Variants in DENND2C observed in about 807,000 individuals in gnomAD.
DENND2C encodes DENN domain-containing protein 2C.
Under a neutral mutation model 112.4 loss-of-function variants are expected in DENND2C, and 72 were observed. The observed-to-expected ratio is 0.64, with a 90% CI of 0.53 to 0.78. The LOEUF (loss-of-function observed/expected upper bound fraction) is 0.78. Ranked by LOEUF, DENND2C falls within the 30% of genes least tolerant of loss-of-function variation. DENND2C has a pLI of 0.00. For missense variants in DENND2C, 992 were observed against 1,113.8 expected (o/e 0.89, Z 1.56); for synonymous variants, 329 against 381.6 (o/e 0.86, Z 1.61).
chr1:114,648,073 G>A (rs1657047547), intron 2 of DENND2C, among the ~76,000 whole-genome samples: 1 of 152,222 alleles, frequency 6.6e-6, no homozygotes, highest in Non-Finnish European at 1.5e-5. Flanking sequence ...CTCCCAAAGT[G>A]CTGGGATTAC....
At chr1:114,587,272 C>G (rs999955997) in intron 20 of DENND2C, 115 bp downstream of exon 20, 1 of 1,148,370 alleles carries the variant, frequency 8.7e-7, no homozygotes, top group African/African-American at 1.5e-5. Context: ...GTCTCAAACT[C>G]CTGGCCTCAA....
chr1:114,583,168 G>A lies in DENND2C; in HGVS notation c.*2432C>T, dbSNP rs1026272026. The A allele has an allele frequency of 6.6e-6, 1 of 152,042 alleles. No homozygotes were observed. Among genetic ancestry groups the A allele is most frequent in the Non-Finnish European group, 1.5e-5 (1 of 68,024 alleles). 9.4% of individuals were successfully genotyped at this position (152,042 alleles called of 1,614,324 possible). ...GAGATGTCTAGTAGAAGCCCCACTG[G>A]GGGTAACCTGCTTAACATTAAAAAA... On this transcript the variant is annotated 3_prime_UTR_variant, in exon 21 of 21. Transcript: ENST00000393274.
chr1:114,637,421 C>A (rs1656688662), intron 3 of DENND2C, among the ~76,000 whole-genome samples: 1 of 151,202 alleles, frequency 6.6e-6, no homozygotes, highest in Non-Finnish European at 1.5e-5. Flanking sequence ...CTTAGGGATT[C>A]AAGATGTGTA....
intron 3 of DENND2C, among the ~76,000 whole-genome samples, chr1:114,641,589 T>C (rs958046989): frequency 1.3e-5 from 2 of 152,112 alleles, no homozygotes; most frequent in African/African-American, 4.8e-5. Flanking sequence ...TCTCTTGCCA[T>C]GTGACACGTC....
rs138971845 is a variant in DENND2C, at chr1:114,636,569, G to C, written c.-205+8879C>G. Reference sequence around the variant, plus strand: ...AGTCACAGCTACTTGGGAGATTAAGGTGGGAATGGGGGGAGGACTGCTTCA... The same window carrying C: ...AGTCACAGCTACTTGGGAGATTAAGCTGGGAATGGGGGGAGGACTGCTTCA... On this transcript the variant is annotated intron_variant, in intron 3 of 20. Transcript: ENST00000393274. Among the ~76,000 whole-genome samples, 287 of 152,200 alleles carry C rather than the reference G, an allele frequency of 1.9e-3. 1 individual carries two copies. Among genetic ancestry groups the C allele is most frequent in the Non-Finnish European group, 3.2e-3 (221 of 68,008 alleles).
chr1:114,583,493 A>AAAACACACACAC lies in DENND2C; in HGVS notation c.*2106_*2107insGTGTGTGTGTTT, dbSNP rs1553231827. 126 of 146,004 alleles carry AAAACACACACAC rather than the reference A, an allele frequency of 8.6e-4. No individual in the cohort carries two copies. The highest frequency in any genetic ancestry group is 3.1e-3 in the African/African-American group (121 of 39,346). 9.0% of individuals were successfully genotyped at this position (146,004 alleles called of 1,614,324 possible). Reference sequence around the variant, plus strand: ...ACTTGAATTTGCCCATGAGTTTGAAAACACACACACACACACACACACACA... The same window carrying AAAACACACACAC: ...ACTTGAATTTGCCCATGAGTTTGAAAAAACACACACACACACACACACACACACACACACACA... On this transcript the variant is annotated 3_prime_UTR_variant, in exon 21 of 21. Coordinates refer to ENST00000393274, the MANE Select transcript of DENND2C (RefSeq NM_001256404.2).
chr1:114,591,301 A>C (rs1187969070), intron 18 of DENND2C, among the ~76,000 whole-genome samples: 1 of 152,100 alleles, frequency 6.6e-6, no homozygotes, highest in African/African-American at 2.4e-5. Flanking sequence ...TGGTGGGTAT[A>C]AAAAATGGTA....
At chr1:114,587,642 T>C in intron 19 of DENND2C, 74 bp downstream of exon 19, 1 of 1,453,256 alleles carries the variant, frequency 6.9e-7, no homozygotes, top group Middle Eastern at 1.8e-4. Flanking sequence ...TTACAATACT[T>C]TTTATTCATA....
chr1:114,653,465 C>A (rs936583529), intron 2 of DENND2C, among the ~76,000 whole-genome samples: 1 of 152,054 alleles, frequency 6.6e-6, no homozygotes, highest in East Asian at 1.9e-4. Context: ...AATGTTTTTT[C>A]ATTATCCTTA....
At position 114,611,086 on chromosome 1, in the gene DENND2C, C is replaced by T. The variant is rs766564010; in HGVS notation, c.1356G>A (p.Glu452=). 3.1e-6 allele frequency: 5 copies of T among 1,614,046 alleles called. No homozygotes were observed. The highest frequency in any genetic ancestry group is 1.3e-5 in the African/African-American group (1 of 74,922). The change falls in exon 9 of 21, where the codon GAG becomes GAA. Residue 452 remains glutamate, a synonymous_variant. Transcript: ENST00000393274. ...GETSGNESDA[E]YLPKNRHKRL... ...TGACTCACTCACTCTTTGGCAGATA[C>T]TCGGCATCACTTTCGTTCCCACTGG...
Position 114,611,211 on chromosome 1 carries a change from G to A in DENND2C, c.1325-94C>T, listed in dbSNP as rs41274124. 3.9e-3 allele frequency: 5,483 copies of A among 1,394,662 alleles called. 19 individuals carry two copies. The highest frequency in any genetic ancestry group is 4.9e-3 in the Non-Finnish European group (4,818 of 991,952). The allele number at this position is 1,394,662 out of a possible 1,614,324, so 86.4% of individuals were successfully genotyped here. A position where few individuals can be genotyped will look rare whatever the true frequency, so the allele number is the denominator to read the frequency against. On this transcript the variant is annotated intron_variant, in intron 8 of 20. Transcript: ENST00000393274. ...GTAAACCCACAAACCTGGGGACTTG[G>A]AGTAAGGAATAATAAAGCTGCTGAG...
chr1:114,647,668 G>A (rs1318310455), intron 2 of DENND2C, among the ~76,000 whole-genome samples: 6 of 152,116 alleles, frequency 3.9e-5, no homozygotes, highest in Non-Finnish European at 1.5e-5. Context: ...TGATTCGCCT[G>A]CCTCAGCCTC....
chr1:114,652,810 T>C (rs1381876167), intron 2 of DENND2C, among the ~76,000 whole-genome samples: 1 of 151,788 alleles, frequency 6.6e-6, no homozygotes, highest in African/African-American at 2.4e-5. Flanking sequence ...GCCTCCCAAG[T>C]AGCTGGGACT....
chr1:114,632,456 G>A (rs1656516288), intron 3 of DENND2C, among the ~76,000 whole-genome samples: 1 of 151,890 alleles, frequency 6.6e-6, no homozygotes, highest in South Asian at 2.1e-4. Context: ...CAGAAAACAA[G>A]GAAAATTTTT....
chr1:114,601,405 A>T, intron 13 of DENND2C, 103 bp downstream of exon 13: 1 of 1,133,330 alleles, frequency 8.8e-7, no homozygotes. Flanking sequence ...TTCCTAGTTT[A>T]CTAATAGGGA....
chr1:114,637,211 G>A (rs558091771), intron 3 of DENND2C, among the ~76,000 whole-genome samples: 22 of 150,976 alleles, frequency 1.5e-4, no homozygotes, highest in South Asian at 4.2e-4. Context: ...CAAGTGATCC[G>A]CCTGTCTTAG....
At chr1:114,594,229 G>A (rs902491251) in intron 18 of DENND2C, among the ~76,000 whole-genome samples, 1 of 152,150 alleles carries the variant, frequency 6.6e-6, no homozygotes, top group Admixed American at 6.5e-5. Context: ...AGGAAGAAAG[G>A]GCAGGAGTCA....
chr1:114,665,625 G>A (rs1389047832), intron 1 of DENND2C, among the ~76,000 whole-genome samples: 2 of 152,100 alleles, frequency 1.3e-5, no homozygotes, highest in African/African-American at 2.4e-5. Context: ...TAACCCTATC[G>A]AAAATTGAGG....
rs984552109 is a variant in DENND2C at position 114,626,111 on chromosome 1, T to C, written c.-127A>G. On this transcript the variant is annotated 5_prime_UTR_variant, in exon 4 of 21. Transcript: ENST00000393274. ...CCAGTATTTTCCCTTCATGTTTAAC[T>C]TGTAAATCTCTTTGTAAAAAGAAAA... 1.1e-5 allele frequency: 11 copies of C among 1,034,200 alleles called. No individual in the cohort carries two copies. The highest frequency in any genetic ancestry group is 3.2e-5 in the African/African-American group (2 of 62,500). The allele number at this position is 1,034,200 out of a possible 1,614,324, so 64.1% of individuals were successfully genotyped here. A position where few individuals can be genotyped will look rare whatever the true frequency, so the allele number is the denominator to read the frequency against.
Sources: allele counts gnomAD v4.1 joint callset (sites outside exome capture counted in the v4.1 genomes callset), GRCh38; gene constraint gnomAD v4.1.1; transcripts MANE v1.5; gene names NCBI Gene and HGNC (gene_info 2026-07-23, HGNC 2026-07-21).